ZBTB41: variants seen among roughly 807,000 people sequenced by gnomAD.
ZBTB41 encodes zinc finger and BTB domain containing 41.
Under a neutral mutation model 87.6 loss-of-function variants are expected in ZBTB41, and 42 were observed. The ratio of observed to expected loss-of-function variants is 0.48; its 90% confidence interval spans 0.37 to 0.62. The LOEUF is 0.62. Among genes scored for constraint, ZBTB41 ranks in the 20% least tolerant of loss-of-function variants. The pLI, the probability that ZBTB41 is intolerant of heterozygous loss-of-function variation, is 0.00. For synonymous variants in ZBTB41, 364 were observed against 364.0 expected (o/e 1.00, Z 0.00); for missense variants, 799 against 1,078.9 (o/e 0.74, Z 3.63).
intron 5 of ZBTB41, among the ~76,000 whole-genome samples, chr1:197,186,233 T>C (rs1478026127): frequency 2.7e-5 from 4 of 150,814 alleles, no homozygotes; most frequent in Non-Finnish European, 5.9e-5. Context: ...ATAGTAAAGA[T>C]AGTCTTTTTA....
chr1:197,197,775 G>T (rs1390358361), intron 2 of ZBTB41, among the ~76,000 whole-genome samples: 1 of 152,106 alleles, frequency 6.6e-6, no homozygotes, highest in African/African-American at 2.4e-5. Context: ...AAATCAACAG[G>T]TTTCTTTACT....
chr1:197,167,785 A>G (rs1400570178), intron 10 of ZBTB41, among the ~76,000 whole-genome samples: 1 of 152,204 alleles, frequency 6.6e-6, no homozygotes, highest in Non-Finnish European at 1.5e-5. Flanking sequence ...AAAATATCAT[A>G]CTTAATTGTG....
chr1:197,182,855 G>A (rs1356727552), intron 5 of ZBTB41, among the ~76,000 whole-genome samples: 1 of 152,060 alleles, frequency 6.6e-6, no homozygotes, highest in African/African-American at 2.4e-5. Context: ...CAAATTTGGG[G>A]CCATACGCCA....
rs778452397 is a variant in ZBTB41 at position 197,188,403 on chromosome 1, C to G, written c.1435G>C (p.Glu479Gln). ...KKSFTRRPHL[E>Q]EHMILHSQDK... ...TGAGAATGTAGAATCATATGTTCCT[C>G]CAAGTGTGGTCTTCGAGTAAAAGAT... Residue 479 changes from glutamate to glutamine, a missense_variant, in exon 5 of 11, where the codon GAG becomes CAG. Glu to Gln is a conservative substitution (Grantham distance 29). Transcript: ENST00000367405. 6.2e-7 allele frequency: 1 copy of G among 1,611,466 alleles called. No homozygotes were observed. Among genetic ancestry groups the G allele is most frequent in the Non-Finnish European group, 8.5e-7 (1 of 1,179,270 alleles).
chr1:197,200,296 G>C lies in ZBTB41; in HGVS notation c.178C>G (p.Gln60Glu), dbSNP rs1224603304. 6.2e-7 allele frequency: 1 copy of C among 1,613,638 alleles called. No homozygotes were observed. Among genetic ancestry groups the C allele is most frequent in the South Asian group, 1.1e-5 (1 of 90,938 alleles). ...TGCAAAGAACTTAAAAGCTTTCTCT[G>C]ATCTGGAGAGGGAGGAAGTTCCTGG... ...CYQELPPSPD[Q>E]RKLLSSLQYN... Residue 60 changes from glutamine to glutamate, a missense_variant, in exon 2 of 11, where the codon CAG becomes GAG. Gln to Glu is a conservative substitution (Grantham distance 29). This residue lies in a region of ZBTB41 where 77 missense variants were observed against 68.4 expected (regional missense o/e 1.13). Coordinates refer to ENST00000367405, the MANE Select transcript of ZBTB41 (RefSeq NM_194314.3).
chr1:197,178,629 C>A (rs1187391254), intron 6 of ZBTB41, 117 bp from the exon 7 acceptor site: 14 of 591,682 alleles, frequency 2.4e-5, no homozygotes, highest in Non-Finnish European at 3.8e-5. Flanking sequence ...ATTCTCTCCT[C>A]TTTCTTACAA....
At chr1:197,179,811 A>G (rs1263399838) in intron 6 of ZBTB41, among the ~76,000 whole-genome samples, 1 of 152,142 alleles carries the variant, frequency 6.6e-6, no homozygotes, top group Non-Finnish European at 1.5e-5. Flanking sequence ...AGAAAATAAA[A>G]TATCTTTATG....
In ZBTB41 at chr1:197,157,627, T is replaced by C. The variant is rs746696362; in HGVS notation, c.*1732A>G. 1 of 152,252 alleles carries C rather than the reference T, an allele frequency of 6.6e-6. No homozygotes were observed. Among genetic ancestry groups the C allele is most frequent in the Admixed American group, 6.6e-5 (1 of 15,234 alleles). 9.4% of individuals were successfully genotyped at this position (152,252 alleles called of 1,614,324 possible). On this transcript the variant is annotated 3_prime_UTR_variant, in exon 11 of 11. Transcript: ENST00000367405. ...AGAACATAGTAAGTATGTCCACTAG[T>C]CTTAAGACAATTACAACCAAACCTT...
intron 4 of ZBTB41, 146 bp downstream of exon 4, chr1:197,190,616 A>G (rs1660003530): frequency 3.7e-6 from 2 of 536,680 alleles, no homozygotes; most frequent in Non-Finnish European, 6.6e-6. Flanking sequence ...AATTTACAAA[A>G]TATATTAGAA....
At chr1:197,170,882 C>T (rs2125127173) in intron 10 of ZBTB41, among the ~76,000 whole-genome samples, 1 of 152,190 alleles carries the variant, frequency 6.6e-6, no homozygotes, top group African/African-American at 2.4e-5. Context: ...ATTATTTTTC[C>T]CTCTCATTTC....
chr1:197,181,629 TAAGA>T (rs1659750058), intron 5 of ZBTB41, among the ~76,000 whole-genome samples: 1 of 151,864 alleles, frequency 6.6e-6, no homozygotes, highest in Non-Finnish European at 1.5e-5. Flanking sequence ...TGACAAAATA[TAAGA>T]AAGACAAAGA....
At chr1:197,178,070 C>T (rs2125130948) in intron 7 of ZBTB41, among the ~76,000 whole-genome samples, 1 of 151,934 alleles carries the variant, frequency 6.6e-6, no homozygotes, top group East Asian at 1.9e-4. Flanking sequence ...TTTACTTTGT[C>T]TTACTTTCAT....
At chr1:197,200,687 G>T (rs895918459) in intron 1 of ZBTB41, 97 bp from the exon 2 acceptor site, 1 of 460,366 alleles carries the variant, frequency 2.2e-6, no homozygotes, top group African/African-American at 2.0e-5. Context: ...AATTATAACT[G>T]AATGATGATA....
At chr1:197,175,692 A>G (rs1216056350) in intron 8 of ZBTB41, among the ~76,000 whole-genome samples, 1 of 151,502 alleles carries the variant, frequency 6.6e-6, no homozygotes, top group Non-Finnish European at 1.5e-5. Flanking sequence ...TTAAAAAACA[A>G]TTACTGTCTC....
chr1:197,167,290 G>A (rs6656172), intron 10 of ZBTB41, among the ~76,000 whole-genome samples: 6,115 of 152,048 alleles, frequency 0.04, 398 homozygotes, highest in African/African-American at 0.14. Context: ...CAATTTCCCC[G>A]GCTAGGTGAT....
In ZBTB41 at chr1:197,159,219, T is replaced by C. The variant is rs1248439614; in HGVS notation, c.*140A>G. On this transcript the variant is annotated 3_prime_UTR_variant, in exon 11 of 11. Transcript: ENST00000367405. ...TTCATGTTCAGTAAACAGAGACACA[T>C]AGTTTTCTTGATTTGAAACTGTTCT... The C allele has an allele frequency of 2.2e-5, 17 of 778,698 alleles. No individual in the cohort carries two copies. The East Asian group carries it at 4.5e-4, about 21-fold the overall frequency. 48.2% of individuals were successfully genotyped at this position (778,698 alleles called of 1,614,324 possible). A position where few individuals can be genotyped will look rare whatever the true frequency, so the allele number is the denominator to read the frequency against.
intron 5 of ZBTB41, among the ~76,000 whole-genome samples, chr1:197,186,600 G>A (rs1295065960): frequency 6.6e-6 from 1 of 152,192 alleles, no homozygotes; most frequent in Non-Finnish European, 1.5e-5. Context: ...GGTGGCTCAC[G>A]CCTGTAATCC....
chr1:197,195,573 TA>T lies in ZBTB41; in HGVS notation c.1121-3675del, dbSNP rs534109726. Among the ~76,000 whole-genome samples, 20 of 152,340 alleles carry T rather than the reference TA, an allele frequency of 1.3e-4. No individual in the cohort carries two copies. The South Asian group carries it at 4.1e-3, about 32-fold the overall frequency. Reference sequence around the variant, plus strand: ...CTTTTCTATTAAGAACTAAGTGGAATATCTGCACGATGGACTAGTCACATTT... The same window carrying T: ...CTTTTCTATTAAGAACTAAGTGGAATTCTGCACGATGGACTAGTCACATTT... On this transcript the variant is annotated intron_variant, in intron 2 of 10. Transcript: ENST00000367405.
chr1:197,162,265 T>A (rs918241806), intron 10 of ZBTB41, among the ~76,000 whole-genome samples: 3 of 152,104 alleles, frequency 2.0e-5, no homozygotes, highest in African/African-American at 4.8e-5. Flanking sequence ...AACTATCAAC[T>A]TGAAAAAATA....
Sources: gnomAD v4.1 joint callset for allele counts (sites outside exome capture counted in the v4.1 genomes callset) on GRCh38, gnomAD v4.1.1 for gene constraint, gnomAD v4.1.1 regional missense constraint, MANE v1.5 for transcripts, NCBI Gene and HGNC (gene_info 2026-07-23, HGNC 2026-07-21) for gene names.